The following TDRD15 variants were observed in gnomAD, a reference collection of about 807,000 sequenced individuals.
The protein encoded by TDRD15 is tudor domain containing 15, also known as tudor domain-containing protein 15.
For missense variants in TDRD15, 1,416 were observed against 904.7 expected (o/e 1.57, Z -7.25); for synonymous variants, 503 against 314.5 (o/e 1.60, Z -6.34).
intron 1 of TDRD15, among the ~76,000 whole-genome samples, chr2:21,126,931 C>G (rs915904235): frequency 6.6e-6 from 1 of 152,150 alleles, no homozygotes; most frequent in Admixed American, 6.5e-5. Context: ...TTTTACAGTT[C>G]TTTCTGAAGT....
In TDRD15 at chr2:21,138,689, G is replaced by A; in HGVS notation, c.1222G>A (p.Val408Ile). 1.4e-6 allele frequency: 1 copy of A among 715,748 alleles called. No individual in the cohort carries two copies. Among genetic ancestry groups the A allele is most frequent in the Non-Finnish European group, 2.6e-6 (1 of 384,148 alleles). The allele number at this position is 715,748 out of a possible 1,614,324, so 44.3% of individuals were successfully genotyped here. ...YVTLQTQEST[V>I]NSKCLLKTVG... ...GACATTACAAACTCAAGAGTCTACAGTTAATTCTAAGTGTCTACTGAAGAC... is the reference window on the plus strand; with the variant it reads ...GACATTACAAACTCAAGAGTCTACAATTAATTCTAAGTGTCTACTGAAGAC... Residue 408 changes from valine (V) to isoleucine (I), a missense_variant, in exon 4 of 4, where the codon GTT becomes ATT. Val to Ile is a conservative substitution (Grantham distance 29, BLOSUM62 3). Transcript: ENST00000405799.
chr2:21,131,280 T>C (rs1202404022), intron 2 of TDRD15, among the ~76,000 whole-genome samples: 5 of 152,216 alleles, frequency 3.3e-5, no homozygotes, highest in Non-Finnish European at 1.5e-5. Flanking sequence ...TGTCGACATA[T>C]GGAAGATCTG....
intron 2 of TDRD15, among the ~76,000 whole-genome samples, chr2:21,130,183 T>C (rs1444428203): frequency 6.6e-6 from 1 of 152,200 alleles, no homozygotes; most frequent in East Asian, 1.9e-4. Flanking sequence ...TCATGAAGAT[T>C]TATTTCAAAA....
intron 1 of TDRD15, among the ~76,000 whole-genome samples, chr2:21,124,743 CGTGT>C (rs140124387): frequency 1.9e-5 from 1 of 53,450 alleles, no homozygotes; most frequent in Non-Finnish European, 3.6e-5. Context: ...GGTGTGTGTG[CGTGT>C]GTGTGTGTGT....
In TDRD15 at chr2:21,139,937, G is replaced by A. The variant is rs1173450886; in HGVS notation, c.2470G>A (p.Val824Ile). Reference protein sequence around the residue: ...KWCRAAVLTQVSKEVDIVFVD... With the variant: ...KWCRAAVLTQISKEVDIVFVD... ...GTGTAGAGCTGCTGTTTTGACTCAA[G>A]TATCAAAAGAAGTTGACATAGTGTT... is the stretch of plus-strand genomic sequence containing the variant. Residue 824 changes from valine (V) to isoleucine (I), a missense_variant, in exon 4 of 4, where the codon GTA (valine) becomes ATA (isoleucine). Coordinates refer to ENST00000405799, the MANE Select transcript of TDRD15 (RefSeq NM_001306137.2). The A allele has an allele frequency of 1.4e-6, 1 of 715,468 alleles. No individual in the cohort carries two copies. The highest frequency in any genetic ancestry group is 1.8e-5 in the African/African-American group (1 of 56,958). 44.3% of individuals were successfully genotyped at this position (715,468 alleles called of 1,614,324 possible). A position where few individuals can be genotyped will look rare whatever the true frequency, so the allele number is the denominator to read the frequency against.
Position 21,134,864 on chromosome 2 carries a change from A to G in TDRD15, c.-4+17A>G, listed in dbSNP as rs919824268. On this transcript the variant is annotated intron_variant, in intron 3 of 3. Transcript: ENST00000405799. ...GTATACAGTGTAAGTACTTTCTGTGATATAATAGTCTTCTAAGGATTATCA... is the reference window on the plus strand; with the variant it reads ...GTATACAGTGTAAGTACTTTCTGTGGTATAATAGTCTTCTAAGGATTATCA... The G allele has an allele frequency of 6.6e-6, 1 of 151,392 alleles. No individual in the cohort carries two copies. Among genetic ancestry groups the G allele is most frequent in the African/African-American group, 2.4e-5 (1 of 41,330 alleles). The allele number at this position is 151,392 out of a possible 1,614,324, so 9.4% of individuals were successfully genotyped here. A position where few individuals can be genotyped will look rare whatever the true frequency, so the allele number is the denominator to read the frequency against.
chr2:21,132,044 T>A (rs1665728108), intron 2 of TDRD15, among the ~76,000 whole-genome samples: 3 of 152,086 alleles, frequency 2.0e-5, no homozygotes, highest in Admixed American at 6.6e-5. Context: ...TAGAAGGGGA[T>A]CTTCTGACCA....
downstream of TDRD15, among the ~76,000 whole-genome samples, chr2:21,146,088 T>C (rs185000077): frequency 2.4e-4 from 37 of 152,136 alleles, no homozygotes; most frequent in African/African-American, 7.7e-4. Context: ...TAATCACTAC[T>C]CTAGAGAGGA....
rs143903095 is a variant in TDRD15 at position 21,125,409 on chromosome 2, G to T, written c.-201+1363G>T. 1.8e-3 allele frequency among the ~76,000 whole-genome samples: 264 copies of T among 149,466 alleles called. 1 individual carries two copies. The highest frequency in any genetic ancestry group is 5.5e-3 in the African/African-American group (224 of 40,660). ...GAGATATAATGCTAGGGTTGTGTTA[G>T]GAAGAGATCCGAATGCCAGGGTGTG... On this transcript the variant is annotated intron_variant, in intron 1 of 3. Coordinates refer to ENST00000405799, the MANE Select transcript of TDRD15 (RefSeq NM_001306137.2).
chr2:21,139,904 G>C lies in TDRD15; in HGVS notation c.2437G>C (p.Gly813Arg). 2 of 716,102 alleles carry C rather than the reference G, an allele frequency of 2.8e-6. No individual in the cohort carries two copies. Among genetic ancestry groups the C allele is most frequent in the Non-Finnish European group, 5.2e-6 (2 of 384,114 alleles). 44.4% of individuals were successfully genotyped at this position (716,102 alleles called of 1,614,324 possible). A position where few individuals can be genotyped will look rare whatever the true frequency, so the allele number is the denominator to read the frequency against. The stretch of plus-strand genomic sequence containing the variant: ...GACTGCTTGTGTTGCTAAGTATTCT[G>C]GGAAGTGGTGTAGAGCTGCTGTTTT... The part of the protein sequence containing the change: ...GQTACVAKYS[G>R]KWCRAAVLTQ... The change falls in exon 4 of 4, where the codon GGG becomes CGG. Residue 813 changes from glycine to arginine, a missense_variant. Coordinates refer to ENST00000405799, the MANE Select transcript of TDRD15 (RefSeq NM_001306137.2).
At chr2:21,132,104 C>T (rs542452654) in intron 2 of TDRD15, among the ~76,000 whole-genome samples, 2 of 152,058 alleles carry the variant, frequency 1.3e-5, no homozygotes, top group South Asian at 4.2e-4. Context: ...GCAGTTAAGC[C>T]CAAAGCCCAG....
Position 21,142,306 on chromosome 2 carries a change from T to C in TDRD15, c.4839T>C (p.Gly1613=), listed in dbSNP as rs1285944035. ...DKVLVFLVDC[G]IYEIVPVCNT... Reference sequence around the variant, plus strand: ...TACTTGTTTTTTTAGTAGATTGTGGTATCTATGAAATAGTACCTGTATGTA... The same window carrying C: ...TACTTGTTTTTTTAGTAGATTGTGGCATCTATGAAATAGTACCTGTATGTA... The change falls in exon 4 of 4, where the codon GGT becomes GGC. Residue 1613 remains glycine (G), a synonymous_variant. Transcript: ENST00000405799. 1 of 688,450 alleles carries C rather than the reference T, an allele frequency of 1.5e-6. No individual in the cohort carries two copies. The highest frequency in any genetic ancestry group is 1.6e-5 in the South Asian group (1 of 61,450). The allele number at this position is 688,450 out of a possible 1,614,324, so 42.6% of individuals were successfully genotyped here.
At position 21,141,363 on chromosome 2, in the gene TDRD15, G is replaced by T. The variant is rs747229556; in HGVS notation, c.3896G>T (p.Gly1299Val). 2.8e-6 allele frequency: 2 copies of T among 715,378 alleles called. No homozygotes were observed. Among genetic ancestry groups the T allele is most frequent in the African/African-American group, 3.5e-5 (2 of 57,090 alleles). 44.3% of individuals were successfully genotyped at this position (715,378 alleles called of 1,614,324 possible). The part of the protein sequence containing the change: ...PQIYLNAKVK[G>V]YVSNISNPAN... ...ATTTATTTGAATGCCAAAGTTAAAG[G>T]GTATGTATCTAATATCAGTAATCCA... The change falls in exon 4 of 4, where the codon GGG (glycine) becomes GTG (valine). Residue 1299 changes from glycine (G) to valine (V), a missense_variant. Gly to Val is a moderately radical substitution (Grantham distance 109). Coordinates refer to ENST00000405799, the MANE Select transcript of TDRD15 (RefSeq NM_001306137.2).
chr2:21,141,021 C>G lies in TDRD15; in HGVS notation c.3554C>G (p.Pro1185Arg). The G allele has an allele frequency of 1.4e-6, 1 of 711,732 alleles. No individual in the cohort carries two copies. The allele number at this position is 711,732 out of a possible 1,614,324, so 44.1% of individuals were successfully genotyped here. Residue 1185 changes from proline (P) to arginine (R), a missense_variant, in exon 4 of 4, where the codon CCT becomes CGT. Pro to Arg is a moderately radical substitution (Grantham distance 103). Coordinates refer to ENST00000405799, the MANE Select transcript of TDRD15 (RefSeq NM_001306137.2). ...NNYRHNVINK[P>R]SPVTYSERKI... ...TATCGCCATAATGTGATAAATAAAC[C>G]TAGTCCAGTAACATATTCCGAAAGA...
rs1224327765 is a variant in TDRD15, at chr2:21,137,475, C to G, written c.8C>G (p.Ser3Cys). The G allele has an allele frequency of 3.2e-6, 2 of 634,012 alleles. No individual in the cohort carries two copies. The highest frequency in any genetic ancestry group is 5.7e-6 in the Non-Finnish European group (2 of 348,750). The allele number at this position is 634,012 out of a possible 1,614,324, so 39.3% of individuals were successfully genotyped here. The change falls in exon 4 of 4, where the codon TCT becomes TGT. Residue 3 changes from serine to cysteine, a missense_variant. Transcript: ENST00000405799. Reference protein sequence around the residue: MDSTSFLPTFLDV... With the variant: MDCTSFLPTFLDV... ...TTATTTGCTTTTTAGAAAATGGATT[C>G]TACATCTTTCTTACCAACATTTTTA... is the stretch of plus-strand genomic sequence containing the variant.
At chr2:21,131,689 AC>A (rs1665721431) in intron 2 of TDRD15, among the ~76,000 whole-genome samples, 1 of 152,210 alleles carries the variant, frequency 6.6e-6, no homozygotes, top group Admixed American at 6.5e-5. Flanking sequence ...AAACCATGTC[AC>A]TTTTCACTAA....
downstream of TDRD15, among the ~76,000 whole-genome samples, chr2:21,145,396 C>T (rs906769738): frequency 6.6e-6 from 1 of 151,902 alleles, no homozygotes; most frequent in Non-Finnish European, 1.5e-5. Context: ...TTTACTATTC[C>T]CATACCTGTG....
At position 21,139,897 on chromosome 2, in the gene TDRD15, G is replaced by C; in HGVS notation, c.2430G>C (p.Lys810Asn). ...TTGGGCAGACTGCTTGTGTTGCTAA[G>C]TATTCTGGGAAGTGGTGTAGAGCTG... is the stretch of plus-strand genomic sequence containing the variant. The part of the protein sequence containing the change: ...YEIGQTACVA[K>N]YSGKWCRAAV... Residue 810 changes from lysine to asparagine, a missense_variant, in exon 4 of 4, where the codon AAG (lysine) becomes AAC (asparagine). Coordinates refer to ENST00000405799, the MANE Select transcript of TDRD15 (RefSeq NM_001306137.2). The C allele has an allele frequency of 1.4e-6, 1 of 716,082 alleles. No homozygotes were observed. The highest frequency in any genetic ancestry group is 2.6e-6 in the Non-Finnish European group (1 of 384,084). The allele number at this position is 716,082 out of a possible 1,614,324, so 44.4% of individuals were successfully genotyped here. A position where few individuals can be genotyped will look rare whatever the true frequency, so the allele number is the denominator to read the frequency against.
chr2:21,135,521 A>G (rs191866006), intron 3 of TDRD15, among the ~76,000 whole-genome samples: 2 of 152,114 alleles, frequency 1.3e-5, no homozygotes, highest in Non-Finnish European at 2.9e-5. Context: ...ACGTTTTTGT[A>G]ATAAGTCTTC....
Sources: allele counts gnomAD v4.1 joint callset (sites outside exome capture counted in the v4.1 genomes callset), GRCh38; gene constraint gnomAD v4.1.1; transcripts MANE v1.5; gene names NCBI Gene and HGNC (gene_info 2026-07-23, HGNC 2026-07-21).